The following TRAPPC9 variants were observed in gnomAD, a reference collection of about 807,000 sequenced individuals.
The protein encoded by TRAPPC9 is IKK2 binding protein.
TRAPPC9 carries 83 observed loss-of-function variants against 124.0 expected under a neutral mutation model. That is an observed-to-expected ratio of 0.67 (90% CI 0.56 to 0.80). TRAPPC9 has a LOEUF of 0.80. Among genes scored for constraint, TRAPPC9 ranks in the 30% least tolerant of loss-of-function variants. The pLI is 0.00. For synonymous variants in TRAPPC9, 638 were observed against 617.5 expected (o/e 1.03, Z -0.49); for missense variants, 1,302 against 1,508.3 (o/e 0.86, Z 2.27).
chr8:140,297,136 C>A (rs1428935305), intron 11 of TRAPPC9, among the ~76,000 whole-genome samples: 10 of 152,024 alleles, frequency 6.6e-5, no homozygotes. Flanking sequence ...CACGCTGGAG[C>A]ACATCTGGGG....
intron 16 of TRAPPC9, among the ~76,000 whole-genome samples, chr8:140,239,435 G>C (rs1187106123): frequency 1.3e-5 from 2 of 152,214 alleles, no homozygotes; most frequent in African/African-American, 2.4e-5. Flanking sequence ...AGTAAGAAAA[G>C]CAAGAGTATT....
At chr8:139,813,311 G>T (rs571232129) in intron 21 of TRAPPC9, among the ~76,000 whole-genome samples, 1 of 152,342 alleles carries the variant, frequency 6.6e-6, no homozygotes, top group South Asian at 2.1e-4. Context: ...CTGGTGTGGG[G>T]ACAGTGCAAG....
chr8:139,856,554 T>A (rs1827809784), intron 21 of TRAPPC9, among the ~76,000 whole-genome samples: 1 of 152,036 alleles, frequency 6.6e-6, no homozygotes, highest in South Asian at 2.1e-4. Flanking sequence ...CCTGAGCTCA[T>A]GGGTAACACA....
At position 139,998,586 on chromosome 8, in the gene TRAPPC9, C is replaced by T. The variant is rs546247188; in HGVS notation, c.2700-9750G>A. Among the ~76,000 whole-genome samples the T allele has an allele frequency of 2.6e-5, 4 of 152,158 alleles. No homozygotes were observed. In the South Asian group the frequency reaches 8.3e-4, roughly 32 times the overall value. On this transcript the variant is annotated intron_variant, in intron 18 of 22. Coordinates refer to ENST00000438773, the MANE Select transcript of TRAPPC9 (RefSeq NM_001160372.4). ...ACAAAAACAAAATTAGCTGGGCGTG[C>T]TGGTGGGCACCTGTAGTCCCAGCTA...
chr8:139,738,464 G>A (rs1039209189), intron 21 of TRAPPC9, among the ~76,000 whole-genome samples: 30 of 152,214 alleles, frequency 2.0e-4, no homozygotes, highest in African/African-American at 7.2e-4. Context: ...GGCCATCGGA[G>A]TAGGCCCAAT....
chr8:139,840,460 G>A (rs1040701225), intron 21 of TRAPPC9, among the ~76,000 whole-genome samples: 5 of 152,222 alleles, frequency 3.3e-5, no homozygotes, highest in South Asian at 2.1e-4. Context: ...CCATGTGAAC[G>A]GGGCCTGGAA....
At chr8:140,120,533 C>G (rs910343440) in intron 17 of TRAPPC9, among the ~76,000 whole-genome samples, 6 of 152,206 alleles carry the variant, frequency 3.9e-5, no homozygotes, top group African/African-American at 9.7e-5. Context: ...ATCCAACAAC[C>G]ATTCATCCAT....
intron 12 of TRAPPC9, among the ~76,000 whole-genome samples, chr8:140,288,931 C>G (rs1279462808): frequency 1.3e-5 from 2 of 152,084 alleles, no homozygotes; most frequent in African/African-American, 4.8e-5. Context: ...AAAGCTACCC[C>G]GCAACTATCT....
chr8:139,756,453 C>T (rs1336224080), intron 21 of TRAPPC9, among the ~76,000 whole-genome samples: 1 of 121,146 alleles, frequency 8.3e-6, no homozygotes, highest in East Asian at 2.5e-4. Context: ...GACAGCAGGT[C>T]GCAGAAGGAG....
chr8:139,849,892 C>G (rs1586982874), intron 21 of TRAPPC9, among the ~76,000 whole-genome samples: 1 of 152,242 alleles, frequency 6.6e-6, no homozygotes, highest in Admixed American at 6.5e-5. Flanking sequence ...TGTTTCCGAC[C>G]TGAAGGAGGC....
chr8:140,339,627 C>T (rs1316634695), intron 9 of TRAPPC9, among the ~76,000 whole-genome samples: 1 of 152,178 alleles, frequency 6.6e-6, no homozygotes, highest in Non-Finnish European at 1.5e-5. Context: ...TGAGGAAGAC[C>T]CATAGTCCTT....
At chr8:139,731,356 C>A in intron 22 of TRAPPC9, 128 bp from the exon 23 acceptor site, 1 of 1,060,018 alleles carries the variant, frequency 9.4e-7, no homozygotes, top group Non-Finnish European at 1.4e-6. Context: ...AGGCCTGGCT[C>A]CAGTGCCCCC....
intron 5 of TRAPPC9, among the ~76,000 whole-genome samples, chr8:140,425,286 TAA>T (rs1289519760): frequency 6.6e-6 from 1 of 152,208 alleles, no homozygotes; most frequent in Non-Finnish European, 1.5e-5. Flanking sequence ...CTCCCATTGG[TAA>T]AGAGAAGTCA....
Position 140,389,818 on chromosome 8 carries a change from CACAT to C in TRAPPC9, c.1134+7798_1134+7801del, listed in dbSNP as rs1281623299. Among the ~76,000 whole-genome samples, 5 of 124,650 alleles carry C rather than the reference CACAT, an allele frequency of 4.0e-5. No individual in the cohort carries two copies. In the Admixed American group the frequency reaches 4.1e-4, roughly 10 times the overall value. The allele number at this position is 124,650 out of a possible 152,430, so 81.8% of individuals were successfully genotyped here. A position where few individuals can be genotyped will look rare whatever the true frequency, so the allele number is the denominator to read the frequency against. The stretch of plus-strand genomic sequence containing the variant: ...AAGGATCTAAAATCAATTTTTTAAA[CACAT>C]ACAATTTAACAACAATAACCAAAAA... On this transcript the variant is annotated intron_variant, in intron 7 of 22. Transcript: ENST00000438773.
chr8:140,450,800 T>C lies in TRAPPC9; in HGVS notation c.574A>G (p.Thr192Ala). ...FEKKDFVGLDTDSRHYKKRCQ... is the reference protein window; with the variant it reads ...FEKKDFVGLDADSRHYKKRCQ... ...TCTAGGTAAGCTTACCTGCTGTCTGTGTCCAGTCCTACAAAGTCCTTTTTC... is the reference window on the plus strand; with the variant it reads ...TCTAGGTAAGCTTACCTGCTGTCTGCGTCCAGTCCTACAAAGTCCTTTTTC... The change falls in exon 2 of 23, where the codon ACA (threonine) becomes GCA (alanine). Residue 192 changes from threonine to alanine, a missense_variant. Physicochemically the swap from Thr to Ala is moderately conservative, Grantham distance 58. Coordinates refer to ENST00000438773, the MANE Select transcript of TRAPPC9 (RefSeq NM_001160372.4). The C allele has an allele frequency of 6.2e-7, 1 of 1,607,950 alleles. No homozygotes were observed. The highest frequency in any genetic ancestry group is 8.5e-7 in the Non-Finnish European group (1 of 1,176,864).
At chr8:139,992,852 A>G (rs936532172) in intron 18 of TRAPPC9, among the ~76,000 whole-genome samples, 1 of 152,130 alleles carries the variant, frequency 6.6e-6, no homozygotes, top group Non-Finnish European at 1.5e-5. Context: ...ATGACTATGC[A>G]GGTACACAGA....
In TRAPPC9 at chr8:139,825,798, C is replaced by T. The variant is rs1315680955; in HGVS notation, c.3055+60081G>A. Among the ~76,000 whole-genome samples the T allele has an allele frequency of 2.6e-5, 4 of 152,096 alleles. No homozygotes were observed. Among genetic ancestry groups the T allele is most frequent in the African/African-American group, 7.2e-5 (3 of 41,416 alleles). On this transcript the variant is annotated intron_variant, in intron 21 of 22. Coordinates refer to ENST00000438773, the MANE Select transcript of TRAPPC9 (RefSeq NM_001160372.4). The surrounding 1 kb of genome is among the most constrained non-coding windows in gnomAD (Gnocchi z 4.6). ...GCAGACGAGCCTCCGAGACAACAGC[C>T]GTGAGACGATGGCCGGAGCTGAGTG...
chr8:139,860,618 C>T (rs1482119175), intron 21 of TRAPPC9, among the ~76,000 whole-genome samples: 3 of 152,220 alleles, frequency 2.0e-5, no homozygotes, highest in African/African-American at 7.2e-5. Flanking sequence ...TGGCTCTTTC[C>T]ACACTTCCTT....
At chr8:139,921,619 G>T (rs1832507138) in intron 19 of TRAPPC9, among the ~76,000 whole-genome samples, 2 of 152,038 alleles carry the variant, frequency 1.3e-5, no homozygotes, top group Admixed American at 1.3e-4. Context: ...GTAGAGGGCT[G>T]TGGGTAGAGA....
Sources: allele counts gnomAD v4.1 joint callset (sites outside exome capture counted in the v4.1 genomes callset), GRCh38; gene constraint gnomAD v4.1.1; non-coding constraint Gnocchi (gnomAD v3.1); transcripts MANE v1.5; gene names NCBI Gene and HGNC (gene_info 2026-07-23, HGNC 2026-07-21).